COPZ1: variants seen among roughly 807,000 people sequenced by gnomAD.
COPZ1 encodes the protein coat protein complex I subunit zeta 1.
COPZ1 carries 4 observed loss-of-function variants against 31.7 expected under a neutral mutation model. That is an observed-to-expected ratio of 0.13 (90% CI 0.06 to 0.29). The LOEUF is 0.29. Among genes scored for constraint, COPZ1 ranks in the 10% least tolerant of loss-of-function variants. The pLI, the probability that COPZ1 is intolerant of heterozygous loss-of-function variation, is 1.00. For synonymous variants in COPZ1, 74 were observed against 79.0 expected (o/e 0.94, Z 0.33); for missense variants, 156 against 211.5 (o/e 0.74, Z 1.63).
chr12:54,329,519 G>A (rs1953715574), intron 1 of COPZ1, among the ~76,000 whole-genome samples: 1 of 152,112 alleles, frequency 6.6e-6, no homozygotes, highest in Non-Finnish European at 1.5e-5. Flanking sequence ...GGGAGGCGGA[G>A]GTTGCAGTGA....
chr12:54,337,286 T>C (rs760611163), intron 1 of COPZ1: 3 of 534,688 alleles, frequency 5.6e-6, no homozygotes, highest in Non-Finnish European at 1.2e-5. Flanking sequence ...AGTCAGTGCA[T>C]CACAGAACTT....
intron 1 of COPZ1, chr12:54,325,418 A>G: frequency 1.7e-6 from 1 of 581,086 alleles, no homozygotes; most frequent in South Asian, 2.1e-5. Context: ...CAGCACATGG[A>G]CTCCTTAGGA....
chr12:54,338,236 A>G (rs1302041609), intron 1 of COPZ1, among the ~76,000 whole-genome samples: 1 of 152,216 alleles, frequency 6.6e-6, no homozygotes, highest in Admixed American at 6.5e-5. Context: ...TTTCGTCTAA[A>G]TTTTGTTCCT....
At chr12:54,328,467 G>A (rs1211661334) in intron 1 of COPZ1, among the ~76,000 whole-genome samples, 2 of 151,934 alleles carry the variant, frequency 1.3e-5, no homozygotes, top group Non-Finnish European at 2.9e-5. Flanking sequence ...TCAGGAAGCT[G>A]AGGCAAGAGA....
At chr12:54,334,651 A>T (rs1010535500) in intron 1 of COPZ1, among the ~76,000 whole-genome samples, 1 of 151,980 alleles carries the variant, frequency 6.6e-6, no homozygotes, top group Non-Finnish European at 1.5e-5. Context: ...CAGGATATCT[A>T]GACCATCCTG....
intron 1 of COPZ1, among the ~76,000 whole-genome samples, chr12:54,328,804 T>C (rs1029443321): frequency 4.6e-5 from 7 of 152,284 alleles, no homozygotes; most frequent in Admixed American, 3.3e-4. Context: ...TTAGGGACAA[T>C]CTGATCAAAG....
chr12:54,335,402 C>T (rs116206655), intron 1 of COPZ1, among the ~76,000 whole-genome samples: 2,064 of 150,418 alleles, frequency 0.014, 56 homozygotes, highest in African/African-American at 0.047. Context: ...TTGGTATGGC[C>T]TTAGGGAATG....
Position 54,350,939 on chromosome 12 carries a change from G to A in COPZ1, c.*416G>A. On this transcript the variant is annotated 3_prime_UTR_variant, in exon 9 of 9. Transcript: ENST00000262061. ...CCCTCATCCCAACAGCCCAGCAAGG[G>A]GAGAGAGAAAGAGAATTCTTTTCTA... 1 of 201,880 alleles carries A rather than the reference G, an allele frequency of 5.0e-6. No homozygotes were observed. 12.5% of individuals were successfully genotyped at this position (201,880 alleles called of 1,614,324 possible).
At chr12:54,330,239 A>T (rs1474595732) in intron 1 of COPZ1, among the ~76,000 whole-genome samples, 2 of 152,106 alleles carry the variant, frequency 1.3e-5, no homozygotes, top group Non-Finnish European at 2.9e-5. Context: ...CATCTGGGTT[A>T]TTGCACACCT....
chr12:54,340,738 C>CTTT (rs35078728), intron 2 of COPZ1, 123 bp downstream of exon 2: 38 of 912,742 alleles, frequency 4.2e-5, no homozygotes, highest in African/African-American at 2.3e-4. Flanking sequence ...ATACTTCCAT[C>CTTT]TTTTTTTTTT....
At chr12:54,327,028 T>A (rs1953667584) in intron 1 of COPZ1, among the ~76,000 whole-genome samples, 1 of 128,490 alleles carries the variant, frequency 7.8e-6, no homozygotes, top group African/African-American at 3.0e-5. Flanking sequence ...TTGCCCAGGC[T>A]GGGGTGCAGT....
At chr12:54,341,656 A>T (rs1278040231) in intron 2 of COPZ1, among the ~76,000 whole-genome samples, 42 of 152,202 alleles carry the variant, frequency 2.8e-4, no homozygotes, top group Admixed American at 2.8e-3. Context: ...TGCCAGGGAG[A>T]GCCTGGGAAT....
intron 1 of COPZ1, 105 bp downstream of exon 1, chr12:54,325,286 G>T: frequency 1.4e-6 from 2 of 1,404,962 alleles, no homozygotes. Context: ...GGTAATTCTT[G>T]GGGACTGAGC....
At chr12:54,342,412 T>G (rs1953987400) in intron 3 of COPZ1, 125 bp downstream of exon 3, 1 of 713,530 alleles carries the variant, frequency 1.4e-6, no homozygotes, top group Non-Finnish European at 2.5e-6. Flanking sequence ...CTTCTTCCCC[T>G]TGTATAATAA....
chr12:54,325,194 G>A lies in COPZ1; in HGVS notation c.18+13G>A, dbSNP rs1039777534. The A allele has an allele frequency of 1.3e-6, 2 of 1,558,646 alleles. No homozygotes were observed. The highest frequency in any genetic ancestry group is 1.2e-5 in the South Asian group (1 of 84,590). On this transcript the variant is annotated intron_variant, in intron 1 of 8. Coordinates refer to ENST00000262061, the MANE Select transcript of COPZ1 (RefSeq NM_016057.3). ...GGCGCTGATTTTGGTAGGAGCTGGA[G>A]GGGCAGCAGAGATGCTGTGGTGTCC...
At chr12:54,344,756 A>G (rs1483779412) in intron 4 of COPZ1, 1 of 152,122 alleles carries the variant, frequency 6.6e-6, no homozygotes, top group Non-Finnish European at 1.5e-5. Flanking sequence ...ACTCTCAAAA[A>G]AAAAAAAAAA....
At chr12:54,347,594 A>G (rs540510642) in intron 5 of COPZ1, among the ~76,000 whole-genome samples, 173 bp from the exon 6 acceptor site, 1 of 152,296 alleles carries the variant, frequency 6.6e-6, no homozygotes, top group Non-Finnish European at 1.5e-5. Flanking sequence ...TCAGCAAACG[A>G]GTAGAAAGGG....
At chr12:54,342,353 A>AG (rs1299660655) in intron 3 of COPZ1, 66 bp downstream of exon 3, 3 of 1,130,730 alleles carry the variant, frequency 2.7e-6, no homozygotes, top group African/African-American at 1.5e-5. Context: ...GGGTGGTAAC[A>AG]GGGCTGCAGA....
intron 1 of COPZ1, among the ~76,000 whole-genome samples, chr12:54,331,334 C>G (rs1953750969): frequency 6.6e-6 from 1 of 152,028 alleles, no homozygotes; most frequent in Non-Finnish European, 1.5e-5. Flanking sequence ...GCCCCCACCA[C>G]CATGCCTGGC....
Sources: allele counts gnomAD v4.1 joint callset (sites outside exome capture counted in the v4.1 genomes callset), GRCh38; gene constraint gnomAD v4.1.1; transcripts MANE v1.5; gene names NCBI Gene and HGNC (gene_info 2026-07-23, HGNC 2026-07-21).